The following BMS1 variants were observed in gnomAD, a reference collection of about 807,000 sequenced individuals.
BMS1 encodes BMS1 ribosome biogenesis factor, also known as ribosome biogenesis protein BMS1 homolog.
BMS1 carries 53 observed loss-of-function variants against 138.7 expected under a neutral mutation model. The observed-to-expected ratio is 0.38, with a 90% CI of 0.31 to 0.48. The LOEUF (loss-of-function observed/expected upper bound fraction) is 0.48. Among genes scored for constraint, BMS1 ranks in the 20% least tolerant of loss-of-function variants. BMS1 has a pLI of 0.97. For missense variants in BMS1, 1,360 were observed against 1,565.5 expected (o/e 0.87, Z 2.22); for synonymous variants, 504 against 539.9 (o/e 0.93, Z 0.92).
In BMS1 at chr10:42,785,404, C is replaced by T. The variant is rs1024167887; in HGVS notation, c.177-78C>T. On this transcript the variant is annotated intron_variant, in intron 2 of 22. Coordinates refer to ENST00000374518, the MANE Select transcript of BMS1 (RefSeq NM_014753.4). Reference sequence around the variant, plus strand: ...GCTATAAGTGTACCAAAAAAGTCTACTTATAAGGTTGATACCTTTTACTCT... The same window carrying T: ...GCTATAAGTGTACCAAAAAAGTCTATTTATAAGGTTGATACCTTTTACTCT... 13 of 1,352,010 alleles carry T rather than the reference C, an allele frequency of 9.6e-6. No homozygotes were observed. In the African/African-American group the frequency reaches 1.8e-4, roughly 18 times the overall value. The allele number at this position is 1,352,010 out of a possible 1,614,324, so 83.8% of individuals were successfully genotyped here.
chr10:42,785,083 C>T (rs1841283894), intron 2 of BMS1, among the ~76,000 whole-genome samples: 1 of 152,114 alleles, frequency 6.6e-6, no homozygotes, highest in Non-Finnish European at 1.5e-5. Flanking sequence ...ATCATATAAC[C>T]AGTAAGTAGG....
rs1842467081 is a variant in BMS1, at chr10:42,820,266, G to A, written c.2611G>A (p.Asp871Asn). ...LNRAEFEDQDDEARVQYEGFR... is the reference protein window; with the variant it reads ...LNRAEFEDQDNEARVQYEGFR... The stretch of plus-strand genomic sequence containing the variant: ...TCGCGCAGAATTTGAAGATCAAGAT[G>A]ATGAAGCCAGAGTTCAGTATGAGGG... The change falls in exon 16 of 23, where the codon GAT becomes AAT. Residue 871 changes from aspartate to asparagine, a missense_variant. Physicochemically the swap from Asp to Asn is conservative, Grantham distance 23. Transcript: ENST00000374518. 1 of 1,613,162 alleles carries A rather than the reference G, an allele frequency of 6.2e-7. No individual in the cohort carries two copies. Among genetic ancestry groups the A allele is most frequent in the African/African-American group, 1.3e-5 (1 of 75,040 alleles).
At chr10:42,784,109 G>A (rs1014279618) in intron 1 of BMS1, among the ~76,000 whole-genome samples, 1 of 152,196 alleles carries the variant, frequency 6.6e-6, no homozygotes, top group African/African-American at 2.4e-5. Flanking sequence ...AGATACTGCT[G>A]ATGTTGACAC....
chr10:42,808,551 G>A (rs1177878955), intron 13 of BMS1, among the ~76,000 whole-genome samples: 2 of 151,980 alleles, frequency 1.3e-5, no homozygotes, highest in East Asian at 1.9e-4. Context: ...CGCCTTACTT[G>A]GCCTCCCAAA....
At chr10:42,804,371 G>A (rs556391701) in intron 13 of BMS1, among the ~76,000 whole-genome samples, 3 of 152,166 alleles carry the variant, frequency 2.0e-5, no homozygotes, top group South Asian at 2.1e-4. Context: ...TGCAACTTCC[G>A]GTTGCTTCAC....
intron 13 of BMS1, among the ~76,000 whole-genome samples, chr10:42,810,950 T>C (rs1264838830): frequency 6.6e-6 from 1 of 152,200 alleles, no homozygotes. Flanking sequence ...TTTATTAATT[T>C]TGTTGATTCT....
chr10:42,816,291 T>C (rs1005726631), intron 13 of BMS1, among the ~76,000 whole-genome samples: 1 of 152,052 alleles, frequency 6.6e-6, no homozygotes, highest in Non-Finnish European at 1.5e-5. Context: ...AGAGTGAGAC[T>C]CTGTCTCCAA....
intron 3 of BMS1, among the ~76,000 whole-genome samples, 168 bp from the exon 4 acceptor site, chr10:42,787,000 A>G (rs1208544969): frequency 6.6e-6 from 1 of 152,158 alleles, no homozygotes; most frequent in Non-Finnish European, 1.5e-5. Flanking sequence ...ACAGAATGGA[A>G]TTTATTTTAT....
chr10:42,798,438 C>T (rs1319629597), intron 11 of BMS1, 30 bp from the exon 12 acceptor site: 1 of 1,613,294 alleles, frequency 6.2e-7, no homozygotes, highest in East Asian at 2.2e-5. Context: ...AATTTTTGTT[C>T]TCACTTTTCT....
intron 13 of BMS1, among the ~76,000 whole-genome samples, chr10:42,809,178 T>A (rs954968852): frequency 6.6e-6 from 1 of 152,144 alleles, no homozygotes; most frequent in Non-Finnish European, 1.5e-5. Flanking sequence ...TCATCAGTAT[T>A]ATGATTTTCA....
At chr10:42,830,768 T>C in intron 22 of BMS1, 98 bp from the exon 23 acceptor site, 1 of 1,030,646 alleles carries the variant, frequency 9.7e-7, no homozygotes, top group Non-Finnish European at 1.4e-6. Flanking sequence ...CAGTTAATAT[T>C]CATTTGGATC....
At position 42,822,084 on chromosome 10, in the gene BMS1, C is replaced by T; in HGVS notation, c.3032C>T (p.Thr1011Ile). 6.3e-7 allele frequency: 1 copy of T among 1,593,444 alleles called. No individual in the cohort carries two copies. The highest frequency in any genetic ancestry group is 8.5e-7 in the Non-Finnish European group (1 of 1,177,200). The change falls in exon 19 of 23, where the codon ACA becomes ATA. Residue 1011 changes from threonine to isoleucine, a missense_variant. Transcript: ENST00000374518. ...GIMPDFRIAA[T>I]GVVLDLDKSI... ...TAGCCTGATTTTCGGATAGCTGCTA[C>T]AGGAGTTGTCCTTGATCTGGATAAA...
At chr10:42,814,900 G>A (rs1842298024) in intron 13 of BMS1, among the ~76,000 whole-genome samples, 1 of 152,084 alleles carries the variant, frequency 6.6e-6, no homozygotes, top group Non-Finnish European at 1.5e-5. Flanking sequence ...AGTCTGCCTG[G>A]GTTGCCTTCT....
rs755671797 is a variant in BMS1, at chr10:42,831,089, T to C, written c.3842T>C (p.Leu1281Ser). The C allele has an allele frequency of 1.6e-5, 25 of 1,561,980 alleles. No homozygotes were observed. The highest frequency in any genetic ancestry group is 2.1e-5 in the Non-Finnish European group (24 of 1,152,250). Residue 1281 changes from leucine (L) to serine (S), a missense_variant, in exon 23 of 23, where the codon TTG becomes TCG. Around this residue, in one of 3 missense-constraint regions of BMS1, gnomAD observed 425 missense variants for 568.3 expected, o/e 0.75. Coordinates refer to ENST00000374518, the MANE Select transcript of BMS1 (RefSeq NM_014753.4). ...KSSLKGAEGQ[L>S]Q ...AGTTTGAAGGGGGCTGAGGGCCAAT[T>C]GCAGTGAGCCTTTGGACTGGAGGGA...
At chr10:42,823,078 G>A (rs757699430) in intron 19 of BMS1, 40 bp from the exon 20 acceptor site, 1 of 1,467,484 alleles carries the variant, frequency 6.8e-7, no homozygotes, top group Non-Finnish European at 9.0e-7. Flanking sequence ...TAAAGTATAT[G>A]ATTTTGTGTG....
At chr10:42,815,210 T>TTGACA (rs1842310781) in intron 13 of BMS1, among the ~76,000 whole-genome samples, 1 of 152,186 alleles carries the variant, frequency 6.6e-6, no homozygotes, top group South Asian at 2.1e-4. Context: ...GACATATCAT[T>TTGACA]ATTCAGTAGA....
At position 42,793,917 on chromosome 10, in the gene BMS1, C is replaced by A. The variant is rs1237344554; in HGVS notation, c.1155C>A (p.Ala385=). The change falls in exon 9 of 23, where the codon GCC becomes GCA. Residue 385 remains alanine (A), a synonymous_variant. Coordinates refer to ENST00000374518, the MANE Select transcript of BMS1 (RefSeq NM_014753.4). ...SLISTHSTID[A]KMASSRVTLF... is the part of the protein sequence containing the mutation. Reference sequence around the variant, plus strand: ...TCTCTACCCACTCCACCATTGATGCCAAGATGGCTTCAAGTCGAGTGACGC... The same window carrying A: ...TCTCTACCCACTCCACCATTGATGCAAAGATGGCTTCAAGTCGAGTGACGC... 6.2e-7 allele frequency: 1 copy of A among 1,611,848 alleles called. No homozygotes were observed. The highest frequency in any genetic ancestry group is 1.7e-5 in the Admixed American group (1 of 59,994).
At chr10:42,828,461 G>T (rs910258363) in intron 21 of BMS1, among the ~76,000 whole-genome samples, 1 of 152,160 alleles carries the variant, frequency 6.6e-6, no homozygotes, top group African/African-American at 2.4e-5. Context: ...AGGATCCCTG[G>T]GTAGGGTGGA....
chr10:42,783,205 CAT>C (rs1224829256), intron 1 of BMS1, among the ~76,000 whole-genome samples: 2 of 152,098 alleles, frequency 1.3e-5, no homozygotes, highest in African/African-American at 4.8e-5. Flanking sequence ...AGAGAAGAAA[CAT>C]AATCTCTGAA....
Sources: allele counts gnomAD v4.1 joint callset (sites outside exome capture counted in the v4.1 genomes callset), GRCh38; gene constraint gnomAD v4.1.1; regional missense constraint gnomAD v4.1.1; transcripts MANE v1.5; gene names NCBI Gene and HGNC (gene_info 2026-07-23, HGNC 2026-07-21).